Variants in TMEM40 observed in about 807,000 individuals in gnomAD.
TMEM40 encodes the protein transmembrane protein 40.
A neutral mutation model predicts 40.8 loss-of-function variants in TMEM40; 34 were observed. That is an observed-to-expected ratio of 0.83 (90% confidence interval 0.63 to 1.11). The LOEUF (loss-of-function observed/expected upper bound fraction) is 1.11, where lower values mean the gene tolerates loss of function less well. Among genes scored for constraint, TMEM40 ranks in the 50% least tolerant of loss-of-function variants. TMEM40 has a pLI of 0.00. For synonymous variants in TMEM40, 106 were observed against 107.0 expected, an observed-to-expected ratio of 0.99 and a Z score of 0.06; for missense variants, 296 against 280.2, an observed-to-expected ratio of 1.06 and a Z score of -0.40.
chr3:12,748,566 G>C (rs1415153008), intron 3 of TMEM40, 89 bp downstream of exon 3: 23 of 1,501,850 alleles, frequency 1.5e-5, no homozygotes, highest in Non-Finnish European at 2.0e-5. Context: ...GGAGTTTCAA[G>C]TACTTCAATG....
upstream of TMEM40, chr3:12,759,531 C>T (rs2106623269): frequency 6.6e-6 from 1 of 152,538 alleles, no homozygotes; most frequent in East Asian, 1.9e-4. Context: ...CTTGGCTGTA[C>T]CAAGCTCTGG....
intron 1 of TMEM40, among the ~76,000 whole-genome samples, chr3:12,757,710 C>G (rs967862450): frequency 2.6e-5 from 4 of 152,166 alleles, no homozygotes; most frequent in African/African-American, 9.7e-5. Flanking sequence ...AAAAGATTTA[C>G]TACATGACCC....
chr3:12,765,131 AC>A (rs2106624946), intron 1 of TMEM40, among the ~76,000 whole-genome samples: 1 of 152,304 alleles, frequency 6.6e-6, no homozygotes, highest in African/African-American at 2.4e-5. Flanking sequence ...TGCTGGGATT[AC>A]AGGCATGAGC....
At chr3:12,745,568 C>T (rs2061420831) in intron 3 of TMEM40, among the ~76,000 whole-genome samples, 1 of 152,164 alleles carries the variant, frequency 6.6e-6, no homozygotes, top group African/African-American at 2.4e-5. Context: ...CACGCCCCAG[C>T]CTCCTGGGTA....
chr3:12,755,263 C>CT (rs1167435792), intron 1 of TMEM40, among the ~76,000 whole-genome samples: 1 of 104,282 alleles, frequency 9.6e-6, no homozygotes, highest in Admixed American at 1.0e-4. Flanking sequence ...TTCTTTCTTT[C>CT]TTTCTTTCTT....
chr3:12,739,777 A>T (rs991857219), intron 5 of TMEM40, among the ~76,000 whole-genome samples: 1 of 152,010 alleles, frequency 6.6e-6, no homozygotes, highest in Non-Finnish European at 1.5e-5. Flanking sequence ...TGTGAAAAAA[A>T]TGTGGTATAG....
In TMEM40 at chr3:12,736,810, C is replaced by T. The variant is rs1368924026; in HGVS notation, c.498G>A (p.Leu166=). 2 of 1,614,122 alleles carry T rather than the reference C, an allele frequency of 1.2e-6. No homozygotes were observed. Among genetic ancestry groups the T allele is most frequent in the Non-Finnish European group, 1.7e-6 (2 of 1,180,026 alleles). ...KDDEFFHFVL[L]CFAIGALLVC... Reference sequence around the variant, plus strand: ...CCAGCAAGGCCCCGATGGCAAAGCACAGGAGGACGAAATGGAAAAACTCAT... The same window carrying T: ...CCAGCAAGGCCCCGATGGCAAAGCATAGGAGGACGAAATGGAAAAACTCAT... Residue 166 remains leucine (L), a synonymous_variant, in exon 9 of 12, where the codon CTG becomes CTA. Transcript: ENST00000314124.
chr3:12,758,095 A>C (rs1303461301), intron 1 of TMEM40, among the ~76,000 whole-genome samples: 1 of 152,046 alleles, frequency 6.6e-6, no homozygotes, highest in Non-Finnish European at 1.5e-5. Flanking sequence ...AAAGAAAGAA[A>C]AAGGAAAGAC....
upstream of TMEM40, among the ~76,000 whole-genome samples, chr3:12,760,968 C>A (rs2106623809): frequency 6.6e-6 from 1 of 152,348 alleles, no homozygotes; most frequent in South Asian, 2.1e-4. Context: ...GAACTCCTAG[C>A]CTCAAGCGAT....
intron 1 of TMEM40, among the ~76,000 whole-genome samples, chr3:12,764,573 AC>A (rs1195430088): frequency 1.2e-4 from 19 of 152,240 alleles, no homozygotes; most frequent in Non-Finnish European, 2.8e-4. Context: ...TCTTAGAGAA[AC>A]AGTGGCCGTA....
chr3:12,741,767 C>CA (rs59665318), intron 5 of TMEM40, among the ~76,000 whole-genome samples: 110 of 125,622 alleles, frequency 8.8e-4, no homozygotes, highest in Middle Eastern at 9.4e-3. Context: ...GTTTTTGTAA[C>CA]AAAAAAAAAA....
intron 1 of TMEM40, among the ~76,000 whole-genome samples, chr3:12,754,608 G>T (rs1048825560): frequency 2.0e-5 from 3 of 152,200 alleles, no homozygotes; most frequent in Non-Finnish European, 4.4e-5. Context: ...GGTGAAGAAG[G>T]TGGCCCACAT....
chr3:12,760,528 C>T (rs1308779980), upstream of TMEM40, among the ~76,000 whole-genome samples: 1 of 151,942 alleles, frequency 6.6e-6, no homozygotes. Flanking sequence ...CCACCTGGCC[C>T]CCCGCTCACT....
At chr3:12,764,280 T>G (rs1012013287) in intron 1 of TMEM40, among the ~76,000 whole-genome samples, 1 of 152,174 alleles carries the variant, frequency 6.6e-6, no homozygotes, top group Admixed American at 6.5e-5. Flanking sequence ...TCTTAAAGCA[T>G]CTATTAAATT....
chr3:12,735,751 A>G, intron 10 of TMEM40, 134 bp from the exon 11 acceptor site: 2 of 679,786 alleles, frequency 2.9e-6, no homozygotes, highest in South Asian at 4.0e-5. Context: ...TTAAGCTTAG[A>G]TAATGGTACT....
At chr3:12,747,183 G>C (rs1390267673) in intron 3 of TMEM40, among the ~76,000 whole-genome samples, 1 of 151,256 alleles carries the variant, frequency 6.6e-6, no homozygotes, top group Non-Finnish European at 1.5e-5. Context: ...CATAAGACCA[G>C]AGCTTTTTTT....
chr3:12,768,946 G>A (rs1226904149), intron 1 of TMEM40, among the ~76,000 whole-genome samples: 2 of 143,186 alleles, frequency 1.4e-5, no homozygotes, highest in African/African-American at 2.5e-5. Context: ...GGGGGGGCGG[G>A]GGGGGCGGGG....
Position 12,749,802 on chromosome 3 carries a change from G to A in TMEM40, c.31C>T (p.Gln11Ter), listed in dbSNP as rs1213676333. The A allele has an allele frequency of 1.9e-6, 3 of 1,613,970 alleles. No homozygotes were observed. Among genetic ancestry groups the A allele is most frequent in the Admixed American group, 1.7e-5 (1 of 59,984 alleles). The change falls in exon 2 of 12, where the codon CAG becomes TAG. Residue 11 changes from glutamine (Q) to a stop codon, truncating the protein, a stop_gained. Coordinates refer to ENST00000314124, the MANE Select transcript of TMEM40 (RefSeq NM_018306.4). LOFTEE classifies it high-confidence loss of function. METSASSSQP[Q>*]DNSQVHRETE... ...TCTCTGTGGACTTGACTGTTGTCCT[G>A]AGGCTGGGAGGAGGATGCTGAAGTC...
intron 1 of TMEM40, among the ~76,000 whole-genome samples, chr3:12,767,510 C>T (rs140582133): frequency 6.6e-6 from 1 of 152,232 alleles, no homozygotes; most frequent in East Asian, 1.9e-4. Context: ...GTCTGTTTTA[C>T]CCACAGATTA....
Sources: gnomAD v4.1 joint callset for allele counts (sites outside exome capture counted in the v4.1 genomes callset) on GRCh38, gnomAD v4.1.1 for gene constraint, MANE v1.5 for transcripts, NCBI Gene and HGNC (gene_info 2026-07-23, HGNC 2026-07-21) for gene names.